Variants in PDE11A observed in about 807,000 individuals in gnomAD.
PDE11A encodes the protein phosphodiesterase 11A, also known as dual 3',5'-cyclic-AMP and -GMP phosphodiesterase 11A.
In PDE11A, 100 loss-of-function variants were observed where a neutral mutation model predicts 100.5. That is an observed-to-expected ratio of 1.00 (90% confidence interval 0.85 to 1.18). The LOEUF (loss-of-function observed/expected upper bound fraction) is 1.18, where lower values mean the gene tolerates loss of function less well. Ranked by LOEUF, PDE11A falls within the 50% of genes most tolerant of loss-of-function variation. PDE11A has a pLI of 0.00. For synonymous variants in PDE11A, 381 were observed against 420.8 expected (o/e 0.91, Z 1.16); for missense variants, 1,141 against 1,152.6 (o/e 0.99, Z 0.15).
At chr2:177,720,577 G>A (rs1301995789) in intron 12 of PDE11A, among the ~76,000 whole-genome samples, 1 of 152,120 alleles carries the variant, frequency 6.6e-6, no homozygotes, top group Non-Finnish European at 1.5e-5. Context: ...GAGGTCCAGA[G>A]ACCAGAACCT....
chr2:177,897,105 C>A (rs2084623731), intron 4 of PDE11A, among the ~76,000 whole-genome samples: 1 of 152,134 alleles, frequency 6.6e-6, no homozygotes, highest in East Asian at 1.9e-4. Context: ...AGGGAATAAT[C>A]TTTTCTAAGT....
intron 13 of PDE11A, among the ~76,000 whole-genome samples, chr2:177,701,796 A>G (rs1199399964): frequency 6.6e-6 from 1 of 152,124 alleles, no homozygotes; most frequent in Non-Finnish European, 1.5e-5. Flanking sequence ...ACAGCCTTCT[A>G]CTACAGCTTT....
intron 4 of PDE11A, among the ~76,000 whole-genome samples, chr2:177,880,389 C>T (rs1574246408): frequency 6.6e-6 from 1 of 152,286 alleles, no homozygotes. Flanking sequence ...AGACTCTAGA[C>T]ACTAAGGCTC....
At chr2:177,936,579 A>C (rs1219951624) in intron 2 of PDE11A, among the ~76,000 whole-genome samples, 1 of 152,224 alleles carries the variant, frequency 6.6e-6, no homozygotes, top group Non-Finnish European at 1.5e-5. Flanking sequence ...GGCTATTTGA[A>C]AACTGTCTTG....
chr2:177,844,493 C>T (rs1029341728), intron 5 of PDE11A, among the ~76,000 whole-genome samples: 6 of 151,192 alleles, frequency 4.0e-5, no homozygotes, highest in African/African-American at 7.3e-5. Context: ...TTCTGGCTTA[C>T]GCACCAGCTC....
intron 2 of PDE11A, among the ~76,000 whole-genome samples, chr2:178,003,575 G>A (rs1037066327): frequency 2.0e-5 from 3 of 152,106 alleles, no homozygotes; most frequent in African/African-American, 7.2e-5. Context: ...GAGTAGGAGA[G>A]CTGGGGGAAA....
intron 2 of PDE11A, among the ~76,000 whole-genome samples, chr2:177,967,812 C>G (rs1204620698): frequency 6.6e-6 from 1 of 152,108 alleles, no homozygotes; most frequent in African/African-American, 2.4e-5. Context: ...CTGCATTTAT[C>G]AGCTAATTCC....
At chr2:177,935,072 C>A (rs973577254) in intron 2 of PDE11A, among the ~76,000 whole-genome samples, 1 of 151,820 alleles carries the variant, frequency 6.6e-6, no homozygotes, top group Non-Finnish European at 1.5e-5. Flanking sequence ...ACCCAGGTAA[C>A]AAAACTGGAC....
intron 2 of PDE11A, 129 bp downstream of exon 2, chr2:178,014,173 G>T: frequency 2.8e-6 from 2 of 702,810 alleles, no homozygotes; most frequent in South Asian, 1.7e-5. Context: ...TGTATACCAT[G>T]AGAAAAAGCT....
intron 13 of PDE11A, among the ~76,000 whole-genome samples, chr2:177,704,747 G>T (rs1328017530): frequency 1.3e-5 from 2 of 152,166 alleles, no homozygotes; most frequent in African/African-American, 4.8e-5. Context: ...TTTATTTATG[G>T]TAAGGATTTT....
Position 177,660,909 on chromosome 2 carries a change from C to G in PDE11A, c.2646+2957G>C, listed in dbSNP as rs528806753. 9.8e-4 allele frequency among the ~76,000 whole-genome samples: 149 copies of G among 152,314 alleles called. 2 individuals carry two copies. The South Asian group carries it at 0.023, about 24-fold the overall frequency. The stretch of plus-strand genomic sequence containing the variant: ...ACCAAAACCATATGCATATGTACTG[C>G]CCAGCAGCCTGGCCACCCGCCCCTG... On this transcript the variant is annotated intron_variant, in intron 19 of 19. Coordinates refer to ENST00000286063, the MANE Select transcript of PDE11A (RefSeq NM_016953.4).
At chr2:178,098,072 C>A (rs1559071088) in intron 2 of PDE11A, among the ~76,000 whole-genome samples, 2 of 152,060 alleles carry the variant, frequency 1.3e-5, no homozygotes, top group Non-Finnish European at 2.9e-5. Flanking sequence ...AAATAAAAAA[C>A]CAAGTAACTC....
intron 14 of PDE11A, chr2:177,698,426 T>C (rs1403566133): frequency 1.3e-5 from 2 of 152,188 alleles, no homozygotes; most frequent in Non-Finnish European, 2.9e-5. Context: ...TTTCATTTTT[T>C]AGGTTTTCTT....
intron 19 of PDE11A, among the ~76,000 whole-genome samples, chr2:177,631,293 A>AG (rs2079915272): frequency 2.7e-5 from 1 of 37,126 alleles, no homozygotes; most frequent in African/African-American, 7.5e-5. Flanking sequence ...TAAAAATGCA[A>AG]AAAAAAAAAA....
chr2:177,666,271 A>G (rs2080580251), intron 18 of PDE11A, among the ~76,000 whole-genome samples: 1 of 152,212 alleles, frequency 6.6e-6, no homozygotes, highest in African/African-American at 2.4e-5. Context: ...GCCAAATAAT[A>G]TTTCATTGTA....
intron 9 of PDE11A, among the ~76,000 whole-genome samples, chr2:177,784,321 T>C (rs2082499940): frequency 6.6e-6 from 1 of 151,708 alleles, no homozygotes; most frequent in African/African-American, 2.4e-5. Context: ...TATAATATAT[T>C]AGCATACCAA....
chr2:177,747,554 C>A (rs191408921), intron 10 of PDE11A, among the ~76,000 whole-genome samples: 6 of 152,264 alleles, frequency 3.9e-5, no homozygotes, highest in Non-Finnish European at 8.8e-5. Flanking sequence ...TCAATTCTGG[C>A]GGTGTTCCAA....
intron 2 of PDE11A, among the ~76,000 whole-genome samples, chr2:177,932,830 G>GA (rs1476978041): frequency 1.5e-5 from 2 of 134,912 alleles, no homozygotes; most frequent in Non-Finnish European, 3.2e-5. Context: ...CTAGGCAAGA[G>GA]TTAAAAAAAA....
intron 19 of PDE11A, among the ~76,000 whole-genome samples, chr2:177,640,120 A>G (rs1259092569): frequency 6.6e-6 from 1 of 152,098 alleles, no homozygotes; most frequent in African/African-American, 2.4e-5. Flanking sequence ...TCTCACCCCC[A>G]CCTTACCCAA....
Sources: allele counts gnomAD v4.1 joint callset (sites outside exome capture counted in the v4.1 genomes callset), GRCh38; gene constraint gnomAD v4.1.1; transcripts MANE v1.5; gene names NCBI Gene and HGNC (gene_info 2026-07-23, HGNC 2026-07-21).